Variants in FSHR observed in about 807,000 individuals in gnomAD.
FSHR encodes follicle stimulating hormone receptor, also known as follicle-stimulating hormone receptor.
In FSHR, 46 loss-of-function variants were observed where a neutral mutation model predicts 52.1. The ratio of observed to expected loss-of-function variants is 0.88; its 90% confidence interval spans 0.70 to 1.13. FSHR has a LOEUF of 1.13. FSHR is among the 50% of genes most tolerant of loss of function. FSHR has a pLI of 0.00. For missense variants in FSHR, 964 were observed against 834.6 expected (o/e 1.16, Z -1.91); for synonymous variants, 399 against 309.6 (o/e 1.29, Z -3.03).
intron 1 of FSHR, among the ~76,000 whole-genome samples, chr2:49,097,078 G>C (rs543713042): frequency 6.6e-6 from 1 of 152,134 alleles, no homozygotes; most frequent in Non-Finnish European, 1.5e-5. Context: ...TTGCTTTATA[G>C]CAATGCAAGA....
rs142416591 is a variant in FSHR at position 48,974,705 on chromosome 2, A to G, written c.669-5822T>C. Among the ~76,000 whole-genome samples, 421 of 152,252 alleles carry G rather than the reference A, an allele frequency of 2.8e-3. 1 individual carries two copies. The highest frequency in any genetic ancestry group is 3.8e-3 in the Non-Finnish European group (259 of 68,016). ...AAATTTTGAACTGACAGAAAATACA[A>G]CATATCTCTAGTATCTCCATGGATT... On this transcript the variant is annotated intron_variant, in intron 8 of 9. Transcript: ENST00000406846.
intron 1 of FSHR, among the ~76,000 whole-genome samples, chr2:49,127,892 CTTCTTCTT>C (rs1672117618): frequency 4.1e-5 from 1 of 24,144 alleles, no homozygotes. Context: ...TCTTCTTCTT[CTTCTTCTT>C]TTTTTTTTTT....
intron 6 of FSHR, among the ~76,000 whole-genome samples, chr2:48,987,115 G>T (rs866109087): frequency 4.6e-5 from 7 of 152,030 alleles, no homozygotes; most frequent in African/African-American, 1.4e-4. Context: ...TTACTGTTGT[G>T]TTTGTTTCAC....
chr2:48,997,854 G>A (rs1324761897), intron 4 of FSHR, among the ~76,000 whole-genome samples: 1 of 152,068 alleles, frequency 6.6e-6, no homozygotes, highest in East Asian at 1.9e-4. Flanking sequence ...CAGTAGGCTG[G>A]TCTGTTACCT....
At chr2:49,140,425 A>G (rs990722179) in intron 1 of FSHR, among the ~76,000 whole-genome samples, 1 of 152,170 alleles carries the variant, frequency 6.6e-6, no homozygotes, top group East Asian at 1.9e-4. Flanking sequence ...AAACTGAGTG[A>G]TATCAGCTCT....
intron 8 of FSHR, among the ~76,000 whole-genome samples, chr2:48,977,960 T>C (rs1053884236): frequency 6.6e-6 from 1 of 152,230 alleles, no homozygotes; most frequent in Non-Finnish European, 1.5e-5. Context: ...TTTAAAAATA[T>C]CACTTTTAAC....
At chr2:49,119,096 G>A (rs1293651708) in intron 1 of FSHR, among the ~76,000 whole-genome samples, 2 of 152,182 alleles carry the variant, frequency 1.3e-5, no homozygotes, top group Non-Finnish European at 2.9e-5. Context: ...CAGTGAGTAG[G>A]ATAAGACTAC....
chr2:48,972,648 G>T (rs1674793752), intron 8 of FSHR, among the ~76,000 whole-genome samples: 1 of 151,718 alleles, frequency 6.6e-6, no homozygotes, highest in Non-Finnish European at 1.5e-5. Context: ...CTCAAATGTG[G>T]AAAGAACAAA....
intron 1 of FSHR, among the ~76,000 whole-genome samples, chr2:49,141,068 T>C (rs1001059868): frequency 4.6e-5 from 7 of 152,312 alleles, no homozygotes; most frequent in African/African-American, 1.4e-4. Flanking sequence ...ACTCTATAGA[T>C]AGGCATACAT....
intron 8 of FSHR, among the ~76,000 whole-genome samples, chr2:48,979,390 A>G (rs1558608): frequency 0.58 from 87,884 of 151,788 alleles, 26,190 homozygotes; most frequent in Non-Finnish European, 0.66. Context: ...GCTGTCAGCT[A>G]TGATGGCACC....
intron 1 of FSHR, among the ~76,000 whole-genome samples, chr2:49,126,596 A>G (rs1251286976): frequency 6.6e-6 from 1 of 152,106 alleles, no homozygotes; most frequent in African/African-American, 2.4e-5. Context: ...TGGTTGAATG[A>G]CCTCAGTTAT....
intron 1 of FSHR, among the ~76,000 whole-genome samples, chr2:49,069,023 G>C (rs1047444266): frequency 6.6e-6 from 1 of 151,978 alleles, no homozygotes; most frequent in African/African-American, 2.4e-5. Context: ...CTTAACCTCA[G>C]CTGACTTCAG....
chr2:48,992,337 C>G (rs1299347801), intron 4 of FSHR, among the ~76,000 whole-genome samples: 4 of 152,176 alleles, frequency 2.6e-5, no homozygotes, highest in African/African-American at 9.7e-5. Context: ...TAGTTCATCT[C>G]TTCACCTACT....
chr2:49,051,136 G>A (rs1052723933), intron 2 of FSHR, among the ~76,000 whole-genome samples: 1 of 152,152 alleles, frequency 6.6e-6, no homozygotes, highest in African/African-American at 2.4e-5. Flanking sequence ...CCATTGGCCT[G>A]CTGATGGACA....
At chr2:49,096,181 C>T (rs1272690703) in intron 1 of FSHR, among the ~76,000 whole-genome samples, 2 of 152,122 alleles carry the variant, frequency 1.3e-5, no homozygotes, top group African/African-American at 2.4e-5. Flanking sequence ...AAGCATCATT[C>T]ACAATAGTCA....
chr2:49,097,481 A>G (rs1670870320), intron 1 of FSHR, among the ~76,000 whole-genome samples: 1 of 152,212 alleles, frequency 6.6e-6, no homozygotes. Flanking sequence ...GAAATGAATT[A>G]TCTCATTCAA....
At chr2:48,974,508 G>T (rs1674895029) in intron 8 of FSHR, among the ~76,000 whole-genome samples, 1 of 152,226 alleles carries the variant, frequency 6.6e-6, no homozygotes, top group East Asian at 1.9e-4. Context: ...ATTGGTGGAT[G>T]TTGAAGGAGG....
intron 2 of FSHR, among the ~76,000 whole-genome samples, chr2:49,055,095 C>G (rs768768347): frequency 6.6e-6 from 1 of 151,766 alleles, no homozygotes; most frequent in East Asian, 1.9e-4. Context: ...TAAGGAAACT[C>G]AGTGAGATAC....
Position 49,064,830 on chromosome 2 carries a change from G to A in FSHR, c.224+3389C>T, listed in dbSNP as rs138124906. Among the ~76,000 whole-genome samples the A allele has an allele frequency of 2.6e-4, 39 of 152,220 alleles. 1 individual carries two copies. Among genetic ancestry groups the A allele is most frequent in the Admixed American group, 2.5e-3 (38 of 15,284 alleles). The stretch of plus-strand genomic sequence containing the variant: ...ATGTGCTGTTAATATTATGAATACA[G>A]GGTTATGGTTTGGAAGAACTTGGAA... On this transcript the variant is annotated intron_variant, in intron 2 of 9. Transcript: ENST00000406846.
Sources: allele counts gnomAD v4.1 joint callset (sites outside exome capture counted in the v4.1 genomes callset), GRCh38; gene constraint gnomAD v4.1.1; transcripts MANE v1.5; gene names NCBI Gene and HGNC (gene_info 2026-07-23, HGNC 2026-07-21).